MRGPRX1: variants seen among roughly 807,000 people sequenced by gnomAD.
MRGPRX1 encodes mas-related G protein-coupled receptor member X1.
For synonymous variants in MRGPRX1, 208 were observed against 170.4 expected (o/e 1.22, Z -1.72); for missense variants, 411 against 393.8 (o/e 1.04, Z -0.37).
intron 1 of MRGPRX1, among the ~76,000 whole-genome samples, chr11:18,937,027 C>G (rs904536077): frequency 4.0e-5 from 6 of 151,492 alleles, no homozygotes; most frequent in African/African-American, 1.4e-4. Flanking sequence ...GTTCATTTTC[C>G]TGTTTGGTCA....
At position 18,933,541 on chromosome 11, in the gene MRGPRX1, T is replaced by C. The variant is rs955888952; in HGVS notation, c.*275A>G. 4.0e-5 allele frequency among the ~76,000 whole-genome samples: 6 copies of C among 151,360 alleles called. No homozygotes were observed. The highest frequency in any genetic ancestry group is 1.2e-4 in the African/African-American group (5 of 41,272). On this transcript the variant is annotated 3_prime_UTR_variant, in exon 2 of 2. Coordinates refer to ENST00000526914, the MANE Select transcript of MRGPRX1 (RefSeq NM_001393578.1). ...GGAACTCCTTTTATTACAAAGAAAA[T>C]TGCAGAAAAAGTGTTCTGTAGGAAA...
chr11:18,939,395 T>A lies in MRGPRX1; in HGVS notation c.-141A>T, dbSNP rs1848864691. On this transcript the variant is annotated 5_prime_UTR_variant, in exon 1 of 2. Transcript: ENST00000526914. ...CTTCTGTGTTGCTTAATTCAGGAGA[T>A]GCATACAGGAGCTGGAGTCAAAGCT... The A allele has an allele frequency of 6.6e-6, 1 of 151,816 alleles. No individual in the cohort carries two copies. The highest frequency in any genetic ancestry group is 2.4e-5 in the African/African-American group (1 of 41,310). The allele number at this position is 151,816 out of a possible 1,614,324, so 9.4% of individuals were successfully genotyped here.
In MRGPRX1 at chr11:18,939,398, A is replaced by G. The variant is rs1253502871; in HGVS notation, c.-144T>C. 6.6e-6 allele frequency: 1 copy of G among 151,828 alleles called. No individual in the cohort carries two copies. Among genetic ancestry groups the G allele is most frequent in the Non-Finnish European group, 1.5e-5 (1 of 68,074 alleles). The allele number at this position is 151,828 out of a possible 1,614,324, so 9.4% of individuals were successfully genotyped here. On this transcript the variant is annotated 5_prime_UTR_variant, in exon 1 of 2. It removes an upstream start codon present in the reference 5' UTR. Transcript: ENST00000526914. ...CTGTGTTGCTTAATTCAGGAGATGC[A>G]TACAGGAGCTGGAGTCAAAGCTGGT...
At chr11:18,937,817 T>A (rs1213819107) in intron 1 of MRGPRX1, among the ~76,000 whole-genome samples, 2 of 151,494 alleles carry the variant, frequency 1.3e-5, no homozygotes, top group Non-Finnish European at 2.9e-5. Context: ...TTTTTAAAAT[T>A]ACATTTTATT....
chr11:18,934,486 G>C lies in MRGPRX1; in HGVS notation c.299C>G (p.Pro100Arg). The C allele has an allele frequency of 2.5e-6, 4 of 1,610,724 alleles. No homozygotes were observed. Among genetic ancestry groups the C allele is most frequent in the Non-Finnish European group, 3.4e-6 (4 of 1,178,106 alleles). Residue 100 changes from proline to arginine, a missense_variant, in exon 2 of 2, where the codon CCT becomes CGT. By Grantham distance (103) the Pro-to-Arg change is moderately radical. Transcript: ENST00000526914. ...TGCAAAGTAGGAAAACATCATCACA[G>C]GATAGAGGATTTTAGAGATGGTATG... ...IPHTISKILYPVMMFSYFAGL... is the reference protein window; with the variant it reads ...IPHTISKILYRVMMFSYFAGL...
At position 18,934,778 on chromosome 11, in the gene MRGPRX1, G is replaced by A. The variant is rs373745541; in HGVS notation, c.7C>T (p.Pro3Ser). ...TCTGTGTCCAAGGTTGAGATGGTTG[G>A]ATCCATGCTCAGAAACCCTAGTCTG... is the stretch of plus-strand genomic sequence containing the variant. MD[P>S]TISTLDTELT... Residue 3 changes from proline (P) to serine (S), a missense_variant, in exon 2 of 2, where the codon CCA becomes TCA. Pro to Ser is a moderately conservative substitution (Grantham distance 74, BLOSUM62 -1). Transcript: ENST00000526914. The A allele has an allele frequency of 1.9e-6, 3 of 1,567,812 alleles. No individual in the cohort carries two copies. Among genetic ancestry groups the A allele is most frequent in the African/African-American group, 1.4e-5 (1 of 73,618 alleles).
chr11:18,934,857 C>G (rs549402933), intron 1 of MRGPRX1, 48 bp from the exon 2 acceptor site: 1 of 1,483,454 alleles, frequency 6.7e-7, no homozygotes, highest in Non-Finnish European at 9.0e-7. Flanking sequence ...ATCTCTGATT[C>G]TCCCCACCAC....
chr11:18,938,403 G>A (rs1214616990), intron 1 of MRGPRX1, among the ~76,000 whole-genome samples: 1 of 151,576 alleles, frequency 6.6e-6, no homozygotes, highest in Non-Finnish European at 1.5e-5. Context: ...AGGAGCAAGA[G>A]AGACAGGGAA....
chr11:18,936,200 A>G (rs1848839268), intron 1 of MRGPRX1, among the ~76,000 whole-genome samples: 1 of 151,032 alleles, frequency 6.6e-6, no homozygotes, highest in Non-Finnish European at 1.5e-5. Flanking sequence ...AGCCCTTTAC[A>G]CCCAGCACGA....
At chr11:18,936,741 A>G (rs1848844110) in intron 1 of MRGPRX1, among the ~76,000 whole-genome samples, 1 of 151,512 alleles carries the variant, frequency 6.6e-6, no homozygotes, top group Admixed American at 6.6e-5. Flanking sequence ...CCACTGTGGT[A>G]TCACCAACAT....
chr11:18,934,094 G>A lies in MRGPRX1; in HGVS notation c.691C>T (p.Pro231Ser), dbSNP rs1414213902. The A allele has an allele frequency of 6.2e-7, 1 of 1,610,896 alleles. No homozygotes were observed. Among genetic ancestry groups the A allele is most frequent in the Admixed American group, 1.7e-5 (1 of 59,394 alleles). The change falls in exon 2 of 2, where the codon CCC (proline) becomes TCC (serine). Residue 231 changes from proline to serine, a missense_variant. Transcript: ENST00000526914. The part of the protein sequence containing the change: ...TVLVFLLCGL[P>S]FGIQFFLFLW... ...AATAGGAAAAACTGAATGCCAAAGG[G>A]CAGGCCACAGAGGAGGAAGACCAGT...
chr11:18,936,813 G>A (rs774313186), intron 1 of MRGPRX1, among the ~76,000 whole-genome samples: 7 of 151,382 alleles, frequency 4.6e-5, no homozygotes, highest in East Asian at 1.9e-4. Context: ...AGATGAAGCC[G>A]AGGCCTAGAG....
rs1458372225 is a variant in MRGPRX1 at position 18,933,790 on chromosome 11, C to T, written c.*26G>A. Reference sequence around the variant, plus strand: ...GCAGGGCAGTGTTGCTCTCAAAGTCCTGTCTGACAGGGCAGAGGCTCTTCC... The same window carrying T: ...GCAGGGCAGTGTTGCTCTCAAAGTCTTGTCTGACAGGGCAGAGGCTCTTCC... On this transcript the variant is annotated 3_prime_UTR_variant, in exon 2 of 2. Transcript: ENST00000526914. 1 of 1,579,058 alleles carries T rather than the reference C, an allele frequency of 6.3e-7. No individual in the cohort carries two copies. Among genetic ancestry groups the T allele is most frequent in the South Asian group, 1.2e-5 (1 of 85,292 alleles).
At position 18,934,522 on chromosome 11, in the gene MRGPRX1, A is replaced by T. The variant is rs773421384; in HGVS notation, c.263T>A (p.Ile88Asn). The change falls in exon 2 of 2, where the codon ATC (isoleucine) becomes AAC (asparagine). Residue 88 changes from isoleucine to asparagine, a missense_variant. Coordinates refer to ENST00000526914, the MANE Select transcript of MRGPRX1 (RefSeq NM_001393578.1). ...GRLIYSLLSFISIPHTISKIL... is the reference protein window; with the variant it reads ...GRLIYSLLSFNSIPHTISKIL... The stretch of plus-strand genomic sequence containing the variant: ...TTTAGAGATGGTATGGGGGATACTG[A>T]TGAAGCTTAACAGGGAATATATAAG... 1 of 1,610,546 alleles carries T rather than the reference A, an allele frequency of 6.2e-7. No homozygotes were observed. Among genetic ancestry groups the T allele is most frequent in the Non-Finnish European group, 8.5e-7 (1 of 1,178,058 alleles).
intron 1 of MRGPRX1, 135 bp downstream of exon 1, chr11:18,939,145 A>G (rs1848862835): frequency 6.6e-6 from 1 of 151,668 alleles, no homozygotes; most frequent in African/African-American, 2.4e-5. Context: ...AGTTTCCAGA[A>G]GGAAACTTCA....
chr11:18,938,841 C>T (rs569709357), intron 1 of MRGPRX1, among the ~76,000 whole-genome samples: 9 of 151,614 alleles, frequency 5.9e-5, no homozygotes, highest in South Asian at 4.2e-4. Context: ...ACTTCCCTCA[C>T]GAAACACTCC....
Position 18,934,090 on chromosome 11 carries a change from A to G in MRGPRX1, c.695T>C (p.Phe232Ser). ...VLVFLLCGLP[F>S]GIQFFLFLWI... is the part of the protein sequence containing the mutation. ...TAAAAATAGGAAAAACTGAATGCCA[A>G]AGGGCAGGCCACAGAGGAGGAAGAC... Residue 232 changes from phenylalanine (F) to serine (S), a missense_variant, in exon 2 of 2, where the codon TTT (phenylalanine) becomes TCT (serine). Phe to Ser is a radical substitution (Grantham distance 155). Coordinates refer to ENST00000526914, the MANE Select transcript of MRGPRX1 (RefSeq NM_001393578.1). 1.2e-6 allele frequency: 2 copies of G among 1,610,978 alleles called. No homozygotes were observed. Among genetic ancestry groups the G allele is most frequent in the Admixed American group, 1.7e-5 (1 of 59,408 alleles).
chr11:18,936,196 T>G (rs1381429887), intron 1 of MRGPRX1, among the ~76,000 whole-genome samples: 8 of 151,116 alleles, frequency 5.3e-5, no homozygotes. Flanking sequence ...GAGCAGCCCT[T>G]TACACCCAGC....
At chr11:18,936,161 A>G (rs1564974252) in intron 1 of MRGPRX1, among the ~76,000 whole-genome samples, 1 of 151,358 alleles carries the variant, frequency 6.6e-6, no homozygotes, top group Non-Finnish European at 1.5e-5. Flanking sequence ...TGAGCCCAGC[A>G]GGGCTGACTC....
Sources: allele counts gnomAD v4.1 joint callset (sites outside exome capture counted in the v4.1 genomes callset), GRCh38; gene constraint gnomAD v4.1.1; transcripts MANE v1.5; gene names NCBI Gene and HGNC (gene_info 2026-07-23, HGNC 2026-07-21).